The following STX18 variants were observed in gnomAD, a reference collection of about 807,000 sequenced individuals.
STX18 encodes the protein syntaxin-18.
A neutral mutation model predicts 50.1 loss-of-function variants in STX18; 40 were observed. The ratio of observed to expected loss-of-function variants is 0.80; its 90% CI spans 0.62 to 1.04. The LOEUF (loss-of-function observed/expected upper bound fraction) is 1.04. Among genes scored for constraint, STX18 ranks in the 50% least tolerant of loss-of-function variants. The probability of loss-of-function intolerance (pLI) is 0.00; values close to 1 mark genes in which losing one functional copy is unlikely to be tolerated. For missense variants in STX18, 410 were observed against 415.8 expected, an observed-to-expected ratio of 0.99 and a Z score of 0.12; for synonymous variants, 158 against 151.8, an observed-to-expected ratio of 1.04 and a Z score of -0.30.
At chr4:4,478,423 G>A (rs960802353) in intron 1 of STX18, among the ~76,000 whole-genome samples, 2 of 152,188 alleles carry the variant, frequency 1.3e-5, no homozygotes, top group Non-Finnish European at 2.9e-5. Flanking sequence ...AGTGCATTTT[G>A]AGTATCTATC....
At chr4:4,424,430 G>A (rs1290675930) in intron 8 of STX18, among the ~76,000 whole-genome samples, 1 of 151,978 alleles carries the variant, frequency 6.6e-6, no homozygotes, top group Non-Finnish European at 1.5e-5. Context: ...ATCTGGGCAT[G>A]GGGGAGTAGC....
chr4:4,436,990 G>A (rs992574348), intron 6 of STX18, among the ~76,000 whole-genome samples: 2 of 117,458 alleles, frequency 1.7e-5, no homozygotes, highest in African/African-American at 3.4e-5. Context: ...ACGGAATTTC[G>A]CTCTTGTTGC....
upstream of STX18, chr4:4,542,338 A>C (rs61732754): frequency 0.013 from 2,411 of 185,092 alleles, 67 homozygotes; most frequent in African/African-American, 0.053. Context: ...CGGCTCCCTC[A>C]CTGAGACCGG....
upstream of STX18, chr4:4,542,095 A>T: frequency 8.4e-7 from 1 of 1,196,248 alleles, no homozygotes; most frequent in Non-Finnish European, 1.1e-6. Context: ...CGCGAGAAGA[A>T]AGGTTCCGGC....
chr4:4,471,423 T>C (rs957120515), intron 2 of STX18, among the ~76,000 whole-genome samples: 2 of 152,190 alleles, frequency 1.3e-5, no homozygotes, highest in African/African-American at 2.4e-5. Context: ...GAGATACAAA[T>C]AGACTGGAAG....
chr4:4,452,135 G>C (rs537843682), intron 5 of STX18, among the ~76,000 whole-genome samples: 1 of 151,654 alleles, frequency 6.6e-6, no homozygotes, highest in Admixed American at 6.6e-5. Context: ...CTAATTCAGC[G>C]CAAGGCCCTA....
chr4:4,472,231 A>G (rs948731309), intron 1 of STX18, among the ~76,000 whole-genome samples: 2 of 152,180 alleles, frequency 1.3e-5, no homozygotes, highest in Non-Finnish European at 2.9e-5. Flanking sequence ...AAGAAAAAGA[A>G]CTCAAAGATA....
At chr4:4,449,860 T>C (rs1032542518) in intron 5 of STX18, among the ~76,000 whole-genome samples, 4 of 152,250 alleles carry the variant, frequency 2.6e-5, no homozygotes, top group Non-Finnish European at 5.9e-5. Context: ...CTGCCATTTA[T>C]TTTTATGCTT....
intron 5 of STX18, among the ~76,000 whole-genome samples, chr4:4,447,096 T>G (rs937497356): frequency 6.6e-6 from 1 of 152,346 alleles, no homozygotes; most frequent in Middle Eastern, 3.4e-3. Flanking sequence ...TATACACATA[T>G]GATTATTAAA....
At chr4:4,466,838 C>G (rs10937871) in intron 2 of STX18, among the ~76,000 whole-genome samples, 53,186 of 152,044 alleles carry the variant, frequency 0.35, 12,868 homozygotes, top group African/African-American at 0.69. Context: ...CTAAAAGGGA[C>G]ACTGGGGTTT....
chr4:4,473,371 C>G (rs983872798), intron 1 of STX18, among the ~76,000 whole-genome samples: 3 of 149,714 alleles, frequency 2.0e-5, no homozygotes, highest in Non-Finnish European at 4.4e-5. Flanking sequence ...CGGCTCAGTG[C>G]AAGCTCCACC....
intron 1 of STX18, among the ~76,000 whole-genome samples, chr4:4,504,754 A>C (rs1448570167): frequency 1.3e-5 from 2 of 152,228 alleles, no homozygotes; most frequent in Admixed American, 6.5e-5. Flanking sequence ...ACAATGATGT[A>C]TCACTACACA....
chr4:4,527,919 GC>G (rs1314982765), intron 1 of STX18, among the ~76,000 whole-genome samples: 1 of 148,756 alleles, frequency 6.7e-6, no homozygotes, highest in Non-Finnish European at 1.5e-5. Flanking sequence ...TGATGATTTG[GC>G]CCAAGTTCTG....
chr4:4,493,654 T>C (rs1428925715), intron 1 of STX18, among the ~76,000 whole-genome samples: 1 of 152,244 alleles, frequency 6.6e-6, no homozygotes, highest in Admixed American at 6.5e-5. Context: ...ATTCAAATTA[T>C]AATAATCAAT....
intron 1 of STX18, chr4:4,507,179 C>T: frequency 1.7e-6 from 1 of 577,830 alleles, no homozygotes; most frequent in African/African-American, 1.8e-5. Flanking sequence ...ATGACACTCC[C>T]TCTTGATGCT....
chr4:4,519,607 A>T (rs62286517), intron 1 of STX18, among the ~76,000 whole-genome samples: 1 of 152,206 alleles, frequency 6.6e-6, no homozygotes, highest in African/African-American at 2.4e-5. Context: ...GCTGTAAAAC[A>T]GCTGAGAAGA....
At chr4:4,430,257 A>C (rs1725454357) in intron 7 of STX18, among the ~76,000 whole-genome samples, 1 of 152,224 alleles carries the variant, frequency 6.6e-6, no homozygotes, top group African/African-American at 2.4e-5. Context: ...AAAAATTCCG[A>C]AACAGTGATT....
At position 4,420,115 on chromosome 4, in the gene STX18, G is replaced by A. The variant is rs763519511; in HGVS notation, c.927C>T (p.Asn309=). 2.7e-5 allele frequency: 43 copies of A among 1,611,968 alleles called. No homozygotes were observed. The highest frequency in any genetic ancestry group is 1.3e-4 in the East Asian group (6 of 44,832). The change falls in exon 11 of 11, where the codon AAC becomes AAT. Residue 309 remains asparagine, a synonymous_variant. Transcript: ENST00000306200. The surrounding 1 kb of genome is among the most constrained non-coding windows in gnomAD (Gnocchi z 4.3). The part of the protein sequence containing the change: ...NEDIREAIKN[N]AGFRVWILFF... ...AGAGGATCCACACGCGGAAGCCAGC[G>A]TTGTTTTTAATGGCCTGGGCAGGGA... is the stretch of plus-strand genomic sequence containing the variant.
chr4:4,538,461 C>G (rs1022500789), intron 1 of STX18, among the ~76,000 whole-genome samples: 1 of 152,106 alleles, frequency 6.6e-6, no homozygotes, highest in East Asian at 1.9e-4. Flanking sequence ...TCATTCCTCA[C>G]GCACTTAACT....
Sources: gnomAD v4.1 joint callset for allele counts (sites outside exome capture counted in the v4.1 genomes callset) on GRCh38, gnomAD v4.1.1 for gene constraint, Gnocchi (gnomAD v3.1) non-coding constraint, MANE v1.5 for transcripts, NCBI Gene and HGNC (gene_info 2026-07-23, HGNC 2026-07-21) for gene names.